SULT1E1: variants seen among roughly 807,000 people sequenced by gnomAD.
SULT1E1 encodes the protein sulfotransferase family 1E member 1.
SULT1E1 carries 36 observed loss-of-function variants against 33.6 expected under a neutral mutation model. The observed-to-expected ratio is 1.07, with a 90% CI of 0.82 to 1.41. The LOEUF is 1.41. Among genes scored for constraint, SULT1E1 ranks in the 40% most tolerant of loss-of-function variants. The probability of loss-of-function intolerance (pLI) is 0.00; values close to 1 mark genes in which losing one functional copy is unlikely to be tolerated. For synonymous variants in SULT1E1, 121 were observed against 111.7 expected (o/e 1.08, Z -0.53); for missense variants, 371 against 345.7 (o/e 1.07, Z -0.58).
intron 2 of SULT1E1, among the ~76,000 whole-genome samples, chr4:69,856,660 C>T (rs1258551463): frequency 6.6e-6 from 1 of 151,918 alleles, no homozygotes; most frequent in Non-Finnish European, 1.5e-5. Context: ...GGCGGCCGGG[C>T]GCGGTGGCTC....
At chr4:69,849,785 C>A (rs1721065164) in intron 4 of SULT1E1, among the ~76,000 whole-genome samples, 1 of 151,904 alleles carries the variant, frequency 6.6e-6, no homozygotes, top group Non-Finnish European at 1.5e-5. Flanking sequence ...ACAAACAGAA[C>A]AACATTATTA....
At chr4:69,847,552 A>G (rs577979970) in intron 6 of SULT1E1, 146 bp downstream of exon 6, 68 of 455,704 alleles carry the variant, frequency 1.5e-4, no homozygotes, top group African/African-American at 1.1e-3. Context: ...ATGCTAAAGT[A>G]TCTGTATTAT....
the SULT1E1 span, among the ~76,000 whole-genome samples, chr4:69,834,933 T>C: frequency 6.6e-6 from 1 of 152,158 alleles, no homozygotes; most frequent in African/African-American, 2.4e-5. Context: ...GATACTCCAC[T>C]GAATCTGCTG....
intron 4 of SULT1E1, among the ~76,000 whole-genome samples, chr4:69,852,472 A>C (rs1232173517): frequency 6.6e-6 from 1 of 152,136 alleles, no homozygotes; most frequent in Non-Finnish European, 1.5e-5. Context: ...CTTCCAAAAA[A>C]TCCCGCTTCT....
At position 69,850,236 on chromosome 4, in the gene SULT1E1, T is replaced by C. The variant is rs11573771; in HGVS notation, c.370-673A>G. On this transcript the variant is annotated intron_variant, in intron 4 of 7. Coordinates refer to ENST00000226444, the MANE Select transcript of SULT1E1 (RefSeq NM_005420.3). ...AGTAATTTTTGACCTAAATGTTTTC[T>C]TTACTAAACAAATGATTTGTGTTAG... Among the ~76,000 whole-genome samples, 92 of 152,200 alleles carry C rather than the reference T, an allele frequency of 6.0e-4. 1 individual carries two copies. The highest frequency in any genetic ancestry group is 2.2e-3 in the African/African-American group (90 of 41,542).
downstream of SULT1E1, among the ~76,000 whole-genome samples, chr4:69,839,159 A>G (rs13102618): frequency 0.22 from 33,789 of 152,178 alleles, 4,596 homozygotes; most frequent in Non-Finnish European, 0.31. Flanking sequence ...CCTAGTGTTG[A>G]CAGAATGTCT....
At chr4:69,827,017 A>G in the SULT1E1 span, among the ~76,000 whole-genome samples, 10 of 152,080 alleles carry the variant, frequency 6.6e-5, no homozygotes. Context: ...GCTATCGGTT[A>G]TGTCGCCTTC....
At chr4:69,834,139 C>A in the SULT1E1 span, among the ~76,000 whole-genome samples, 2 of 152,152 alleles carry the variant, frequency 1.3e-5, no homozygotes, top group South Asian at 4.1e-4. Context: ...TCCTTCCAAG[C>A]TACAAGCCTT....
intron 7 of SULT1E1, among the ~76,000 whole-genome samples, chr4:69,843,432 T>G (rs1242895332): frequency 2.0e-5 from 3 of 152,152 alleles, no homozygotes; most frequent in Non-Finnish European, 4.4e-5. Context: ...TTCTGTTTTG[T>G]TTTTTTCCCC....
At chr4:69,828,927 C>T in the SULT1E1 span, among the ~76,000 whole-genome samples, 2 of 152,232 alleles carry the variant, frequency 1.3e-5, no homozygotes, top group African/African-American at 2.4e-5. Flanking sequence ...AGTCACTGCT[C>T]GGTGAGGTGC....
At chr4:69,856,763 T>C (rs1223783113) in intron 2 of SULT1E1, among the ~76,000 whole-genome samples, 1 of 151,420 alleles carries the variant, frequency 6.6e-6, no homozygotes, top group Non-Finnish European at 1.5e-5. Context: ...TGAAAACCCG[T>C]CTCTACTAAA....
chr4:69,843,792 A>G (rs3775777), intron 7 of SULT1E1, among the ~76,000 whole-genome samples: 33,810 of 152,168 alleles, frequency 0.22, 4,593 homozygotes, highest in Non-Finnish European at 0.31. Flanking sequence ...TTCAACTCAA[A>G]AAGAGAGAGG....
intron 7 of SULT1E1, among the ~76,000 whole-genome samples, chr4:69,842,828 ATC>A (rs2110065050): frequency 6.7e-6 from 1 of 148,962 alleles, no homozygotes; most frequent in South Asian, 2.1e-4. Context: ...GAAGGAATTC[ATC>A]TTTTTTTTTT....
chr4:69,829,460 G>A, the SULT1E1 span, among the ~76,000 whole-genome samples: 1 of 152,134 alleles, frequency 6.6e-6, no homozygotes, highest in African/African-American at 2.4e-5. Flanking sequence ...CCCGAACTCT[G>A]GGAATTTTAG....
chr4:69,842,137 T>TA (rs1560553356), intron 7 of SULT1E1, 31 bp from the exon 8 acceptor site: 2 of 1,267,184 alleles, frequency 1.6e-6, no homozygotes, highest in Non-Finnish European at 2.3e-6. Flanking sequence ...CAATAAATAT[T>TA]AAGTCTTCCA....
the SULT1E1 span, among the ~76,000 whole-genome samples, chr4:69,831,940 T>C: frequency 6.6e-6 from 1 of 152,056 alleles, no homozygotes; most frequent in African/African-American, 2.4e-5. Flanking sequence ...TTCACACACT[T>C]CCCCTCTCCC....
the SULT1E1 span, among the ~76,000 whole-genome samples, chr4:69,825,433 G>T: frequency 1.4e-3 from 210 of 152,302 alleles, no homozygotes; most frequent in Non-Finnish European, 2.3e-3. Context: ...TCACCAAGTG[G>T]TGAGTAGCAT....
At chr4:69,829,419 T>C in the SULT1E1 span, among the ~76,000 whole-genome samples, 1 of 152,158 alleles carries the variant, frequency 6.6e-6, no homozygotes. Flanking sequence ...TGGTGCCTGA[T>C]TTACTGTCAG....
At chr4:69,842,144 T>C (rs778025002) in intron 7 of SULT1E1, 38 bp from the exon 8 acceptor site, 8 of 1,205,274 alleles carry the variant, frequency 6.6e-6, no homozygotes, top group Non-Finnish European at 8.4e-6. Flanking sequence ...TATTAAGTCT[T>C]CCAAAAAGAA....
Sources: gnomAD v4.1 joint callset for allele counts (sites outside exome capture counted in the v4.1 genomes callset) on GRCh38, gnomAD v4.1.1 for gene constraint, MANE v1.5 for transcripts, NCBI Gene and HGNC (gene_info 2026-07-23, HGNC 2026-07-21) for gene names.